The following PPM1E variants were observed in gnomAD, a reference collection of about 807,000 sequenced individuals.
PPM1E encodes the protein protein phosphatase, Mg2+/Mn2+ dependent 1E.
Under a neutral mutation model 65.9 loss-of-function variants are expected in PPM1E, and 20 were observed. The ratio of observed to expected loss-of-function variants is 0.30; its 90% CI spans 0.21 to 0.44. The LOEUF (loss-of-function observed/expected upper bound fraction) is 0.44, where lower values mean the gene tolerates loss of function less well. Among genes scored for constraint, PPM1E ranks in the 20% least tolerant of loss-of-function variants. PPM1E has a pLI of 1.00. For missense variants in PPM1E, 713 were observed against 953.1 expected (o/e 0.75, Z 3.32); for synonymous variants, 352 against 374.9 (o/e 0.94, Z 0.70).
intron 1 of PPM1E, among the ~76,000 whole-genome samples, chr17:58,889,294 AG>A (rs747238719): frequency 1.4e-4 from 21 of 152,174 alleles, no homozygotes; most frequent in Non-Finnish European, 2.4e-4. Context: ...AATTGATTGA[AG>A]AAAGCTTTTT....
intron 1 of PPM1E, among the ~76,000 whole-genome samples, chr17:58,929,764 T>C (rs2051868714): frequency 6.6e-6 from 1 of 152,216 alleles, no homozygotes; most frequent in Non-Finnish European, 1.5e-5. Flanking sequence ...GAGTCAGCAA[T>C]AACCCCTGAA....
chr17:58,861,983 G>T (rs181621917), intron 1 of PPM1E, among the ~76,000 whole-genome samples: 58 of 152,222 alleles, frequency 3.8e-4, no homozygotes, highest in African/African-American at 1.4e-3. Flanking sequence ...AAGACTCCTG[G>T]TTGAAGTCCT....
intron 1 of PPM1E, among the ~76,000 whole-genome samples, chr17:58,927,158 GCT>G (rs1012451118): frequency 8.5e-4 from 107 of 125,776 alleles, no homozygotes; most frequent in Non-Finnish European, 1.3e-3. Flanking sequence ...GCAGAATCTC[GCT>G]CTGTCGCCCA....
chr17:58,756,300 C>A lies in PPM1E; in HGVS notation c.303C>A (p.Gly101=). The A allele has an allele frequency of 6.6e-7, 1 of 1,515,618 alleles. No homozygotes were observed. 93.9% of individuals were successfully genotyped at this position (1,515,618 alleles called of 1,614,324 possible). A position where few individuals can be genotyped will look rare whatever the true frequency, so the allele number is the denominator to read the frequency against. Residue 101 remains glycine, a synonymous_variant, in exon 1 of 7, where the codon GGC becomes GGA. Coordinates refer to ENST00000308249, the MANE Select transcript of PPM1E (RefSeq NM_014906.5). The part of the protein sequence containing the change: ...AAVEGEEEEE[G]AATAAAAPGH... ...TTGAGGGTGAGGAGGAGGAGGAGGG[C>A]GCGGCGACGGCGGCGGCAGCCCCGG... is the stretch of plus-strand genomic sequence containing the variant.
chr17:58,828,048 G>A (rs571876283), intron 1 of PPM1E, among the ~76,000 whole-genome samples: 127 of 151,018 alleles, frequency 8.4e-4, no homozygotes, highest in Middle Eastern at 6.9e-3. Flanking sequence ...GTGAAACCCC[G>A]TGTCTACTAA....
chr17:58,863,541 A>G (rs1371857118), intron 1 of PPM1E, among the ~76,000 whole-genome samples: 1 of 152,144 alleles, frequency 6.6e-6, no homozygotes, highest in Non-Finnish European at 1.5e-5. Context: ...TTTTTGCCTC[A>G]TTGTGAGGGG....
intron 1 of PPM1E, among the ~76,000 whole-genome samples, chr17:58,764,359 G>A (rs2049853088): frequency 6.6e-6 from 1 of 151,994 alleles, no homozygotes; most frequent in South Asian, 2.1e-4. Context: ...AATTAATGAG[G>A]AAATATAACA....
intron 1 of PPM1E, among the ~76,000 whole-genome samples, chr17:58,836,472 T>G (rs548355161): frequency 4.4e-4 from 67 of 150,640 alleles, no homozygotes; most frequent in African/African-American, 1.6e-3. Flanking sequence ...AAAAAAATTT[T>G]TTTTTTCTTG....
At chr17:58,771,357 G>C (rs2049936208) in intron 1 of PPM1E, among the ~76,000 whole-genome samples, 1 of 151,748 alleles carries the variant, frequency 6.6e-6, no homozygotes, top group African/African-American at 2.4e-5. Flanking sequence ...AATGATTAAG[G>C]CCGGGCATGG....
chr17:58,889,037 A>G (rs1160115834), intron 1 of PPM1E, among the ~76,000 whole-genome samples: 1 of 152,190 alleles, frequency 6.6e-6, no homozygotes, highest in South Asian at 2.1e-4. Context: ...TTTGAATTAC[A>G]TTCTTCAAAG....
intron 1 of PPM1E, among the ~76,000 whole-genome samples, chr17:58,878,986 C>T (rs2051159217): frequency 6.6e-6 from 1 of 151,802 alleles, no homozygotes; most frequent in Non-Finnish European, 1.5e-5. Flanking sequence ...ATTTTCCTCA[C>T]CTTGCCATTT....
At chr17:58,784,408 G>GTTTGA (rs2050078276) in intron 1 of PPM1E, among the ~76,000 whole-genome samples, 1 of 151,492 alleles carries the variant, frequency 6.6e-6, no homozygotes, top group Admixed American at 6.6e-5. Flanking sequence ...TTGAATATTG[G>GTTTGA]TTTGATTTTA....
At chr17:58,943,696 C>G (rs1369463807) in intron 1 of PPM1E, among the ~76,000 whole-genome samples, 1 of 152,130 alleles carries the variant, frequency 6.6e-6, no homozygotes, top group African/African-American at 2.4e-5. Flanking sequence ...TCACATCAGG[C>G]TTATTGAGTC....
chr17:58,870,365 G>T lies in PPM1E; in HGVS notation c.465-85284G>T, dbSNP rs575586833. 4.3e-4 allele frequency among the ~76,000 whole-genome samples: 65 copies of T among 152,210 alleles called. 1 individual carries two copies. The South Asian group carries it at 0.011, about 26-fold the overall frequency. ...AGCCAGCTTTTATTTTGGATTCAGG[G>T]GGTACCTGTGTATGTTTGTTATATG... is the stretch of plus-strand genomic sequence containing the variant. On this transcript the variant is annotated intron_variant, in intron 1 of 6. Transcript: ENST00000308249.
At chr17:58,832,726 T>C (rs1026351795) in intron 1 of PPM1E, among the ~76,000 whole-genome samples, 1 of 152,222 alleles carries the variant, frequency 6.6e-6, no homozygotes, top group Non-Finnish European at 1.5e-5. Context: ...ATAACCATAG[T>C]ATAATTATCA....
chr17:58,782,634 A>G (rs756459091), intron 1 of PPM1E, among the ~76,000 whole-genome samples: 30 of 151,562 alleles, frequency 2.0e-4, no homozygotes, highest in Non-Finnish European at 3.1e-4. Flanking sequence ...CTGGTCTTGA[A>G]CACCTGACCT....
At chr17:58,803,858 G>C (rs2050281127) in intron 1 of PPM1E, among the ~76,000 whole-genome samples, 1 of 152,194 alleles carries the variant, frequency 6.6e-6, no homozygotes, top group African/African-American at 2.4e-5. Flanking sequence ...ATTATGTTCA[G>C]AAGTAAATGT....
intron 1 of PPM1E, among the ~76,000 whole-genome samples, chr17:58,882,812 G>C (rs2051213381): frequency 6.6e-6 from 1 of 152,052 alleles, no homozygotes; most frequent in Non-Finnish European, 1.5e-5. Context: ...CTGATGGGCA[G>C]TTAAGGTTTT....
chr17:58,756,307 A>ACGGCGG lies in PPM1E; in HGVS notation c.315_320dup (p.Ala107_Ala108dup), dbSNP rs1374204059. On this transcript the variant is annotated inframe_insertion, in exon 1 of 7. Coordinates refer to ENST00000308249, the MANE Select transcript of PPM1E (RefSeq NM_014906.5). ...TGAGGAGGAGGAGGAGGGCGCGGCG[A>ACGGCGG]CGGCGGCGGCAGCCCCGGGGCACTC... 174 of 1,507,432 alleles carry ACGGCGG rather than the reference A, an allele frequency of 1.2e-4. No homozygotes were observed. Among genetic ancestry groups the ACGGCGG allele is most frequent in the Non-Finnish European group, 1.4e-4 (160 of 1,129,070 alleles). 93.4% of individuals were successfully genotyped at this position (1,507,432 alleles called of 1,614,324 possible).
Sources: gnomAD v4.1 joint callset for allele counts (sites outside exome capture counted in the v4.1 genomes callset) on GRCh38, gnomAD v4.1.1 for gene constraint, MANE v1.5 for transcripts, NCBI Gene and HGNC (gene_info 2026-07-23, HGNC 2026-07-21) for gene names.